IL1RAPL1: variants seen among roughly 807,000 people sequenced by gnomAD.
IL1RAPL1 encodes interleukin 1 receptor accessory protein like 1, also known as interleukin-1 receptor accessory protein-like 1.
IL1RAPL1 carries 3 observed loss-of-function variants against 48.4 expected under a neutral mutation model. The ratio of observed to expected loss-of-function variants is 0.06; its 90% CI spans 0.03 to 0.16. IL1RAPL1 has a LOEUF of 0.16. IL1RAPL1 is among the 10% of genes least tolerant of loss of function. The pLI is 1.00. For missense variants in IL1RAPL1, 349 were observed against 530.6 expected, an observed-to-expected ratio of 0.66 and a Z score of 3.36; for synonymous variants, 185 against 187.7, an observed-to-expected ratio of 0.99 and a Z score of 0.12.
At chrX:29,333,168 C>A (rs1448204381) in intron 3 of IL1RAPL1, among the ~76,000 whole-genome samples, 7 of 107,929 alleles carry the variant, frequency 6.5e-5, no homozygotes, top group Non-Finnish European at 1.4e-4. Context: ...GCTGGGCACA[C>A]CTCCCAGACG....
intron 2 of IL1RAPL1, among the ~76,000 whole-genome samples, chrX:28,961,005 G>A (rs1924757279): frequency 2.9e-5 from 1 of 34,548 alleles, no homozygotes; most frequent in South Asian, 3.8e-3. Context: ...GCGAGACTCC[G>A]TCTCAAAAAA....
chrX:28,596,990 T>C (rs1396561766), intron 1 of IL1RAPL1, among the ~76,000 whole-genome samples: 1 of 110,819 alleles, frequency 9.0e-6, no homozygotes, highest in African/African-American at 3.3e-5. Context: ...AGCCTTTGTA[T>C]TGGACTTTGA....
chrX:29,082,146 G>T (rs1927857462), intron 2 of IL1RAPL1, among the ~76,000 whole-genome samples: 1 of 111,800 alleles, frequency 8.9e-6, no homozygotes, highest in African/African-American at 3.2e-5. Context: ...CATGACCCTT[G>T]AAAAATAAAA....
In IL1RAPL1 at chrX:28,927,482, T is replaced by C. The variant is rs746897545; in HGVS notation, c.82+138057T>C. On this transcript the variant is annotated intron_variant, in intron 2 of 10. Transcript: ENST00000378993. ...TTGTTTTTCTACTCTCCTTGCTACA[T>C]GCAAACACACATCAAAATCTAGAAG... Among the ~76,000 whole-genome samples, 52 of 112,073 alleles carry C rather than the reference T, an allele frequency of 4.6e-4. No individual in the cohort carries two copies. In the South Asian group the frequency reaches 5.6e-3, roughly 12 times the overall value.
chrX:28,891,700 C>T (rs1298086428), intron 2 of IL1RAPL1, among the ~76,000 whole-genome samples: 1 of 111,821 alleles, frequency 8.9e-6, no homozygotes, highest in Admixed American at 9.5e-5. Context: ...AGGTTGTTTC[C>T]ACCTCTTGGT....
chrX:29,941,531 G>A (rs1933127220), intron 8 of IL1RAPL1, 120 bp from the exon 9 acceptor site: 14 of 711,450 alleles, frequency 2.0e-5, no homozygotes, highest in Non-Finnish European at 2.2e-6. Context: ...GAAAGGGGTT[G>A]TGTCAACCCG....
rs184405880 is a variant in IL1RAPL1 at position 28,602,440 on chromosome X, C to T, written c.-25+14393C>T. ...TTTACTCTGCCACACAATGCCACAT[C>T]CCTGACAGTAGGTAAGTTATGTTCT... On this transcript the variant is annotated intron_variant, in intron 1 of 10. Coordinates refer to ENST00000378993, the MANE Select transcript of IL1RAPL1 (RefSeq NM_014271.4). Among the ~76,000 whole-genome samples the T allele has an allele frequency of 1.6e-3, 178 of 112,107 alleles. 1 individual carries two copies. Among genetic ancestry groups the T allele is most frequent in the African/African-American group, 5.6e-3 (173 of 30,868 alleles).
At chrX:29,119,985 A>AG (rs1440088622) in intron 2 of IL1RAPL1, among the ~76,000 whole-genome samples, 1 of 111,388 alleles carries the variant, frequency 9.0e-6, no homozygotes. Context: ...AGTATTCTAC[A>AG]GGGGCATAGG....
chrX:29,110,595 G>C (rs1255007432), intron 2 of IL1RAPL1, among the ~76,000 whole-genome samples: 6 of 111,720 alleles, frequency 5.4e-5, no homozygotes, highest in Non-Finnish European at 1.1e-4. Flanking sequence ...AGTTGGCCTT[G>C]ATTTAATATT....
chrX:28,719,974 A>G (rs1935550292), intron 1 of IL1RAPL1, among the ~76,000 whole-genome samples: 1 of 110,689 alleles, frequency 9.0e-6, no homozygotes, highest in African/African-American at 3.3e-5. Flanking sequence ...GTTTTTTCCT[A>G]TTTAGTGACT....
intron 2 of IL1RAPL1, among the ~76,000 whole-genome samples, chrX:29,072,446 C>G (rs1239948450): frequency 9.0e-6 from 1 of 111,718 alleles, no homozygotes; most frequent in Non-Finnish European, 1.9e-5. Context: ...TTTATCTGCT[C>G]TAAACTCATC....
chrX:28,775,034 T>C (rs914469963), intron 1 of IL1RAPL1, among the ~76,000 whole-genome samples: 1 of 112,325 alleles, frequency 8.9e-6, no homozygotes, highest in Non-Finnish European at 1.9e-5. Flanking sequence ...TAAGATGATA[T>C]AAATTCTTGT....
chrX:28,932,339 T>G (rs1045577944), intron 2 of IL1RAPL1, among the ~76,000 whole-genome samples: 1 of 111,567 alleles, frequency 9.0e-6, no homozygotes, highest in African/African-American at 3.2e-5. Flanking sequence ...TTTTTCTCCT[T>G]TCAGTTGTAA....
chrX:28,686,986 T>C (rs1317681923), intron 1 of IL1RAPL1, among the ~76,000 whole-genome samples: 1 of 111,934 alleles, frequency 8.9e-6, no homozygotes, highest in African/African-American at 3.2e-5. Flanking sequence ...TTGGAATGGA[T>C]TTTTAGAGCT....
chrX:29,941,575 G>A, intron 8 of IL1RAPL1, 76 bp from the exon 9 acceptor site: 2 of 1,052,049 alleles, frequency 1.9e-6, no homozygotes, highest in Non-Finnish European at 2.7e-6. Flanking sequence ...AGGAAAATGT[G>A]AAATCAAACT....
intron 5 of IL1RAPL1, among the ~76,000 whole-genome samples, chrX:29,659,685 C>T (rs1226262033): frequency 3.6e-5 from 4 of 111,643 alleles, no homozygotes; most frequent in Non-Finnish European, 7.5e-5. Flanking sequence ...AGTGCAATGG[C>T]GCGATCTCAG....
At position 29,955,576 on chromosome X, in the gene IL1RAPL1, A is replaced by G; in HGVS notation, c.1847A>G (p.His616Arg). Reference sequence around the variant, plus strand: ...CGTTCTACCTTTCACAACACGTACCATTCACAAATGCGTCAGAAACACTAC... The same window carrying G: ...CGTTCTACCTTTCACAACACGTACCGTTCACAAATGCGTCAGAAACACTAC... ...DLRSTFHNTY[H>R]SQMRQKHYYR... is the part of the protein sequence containing the mutation. The change falls in exon 11 of 11, where the codon CAT (histidine) becomes CGT (arginine). Residue 616 changes from histidine (H) to arginine (R), a missense_variant. His to Arg is a conservative substitution (Grantham distance 29). Around this residue, in one of 3 missense-constraint regions of IL1RAPL1, gnomAD observed 65 missense variants for 79.6 expected, o/e 0.82. Coordinates refer to ENST00000378993, the MANE Select transcript of IL1RAPL1 (RefSeq NM_014271.4). 1.7e-6 allele frequency: 2 copies of G among 1,206,193 alleles called. No homozygotes were observed. The highest frequency in any genetic ancestry group is 2.2e-6 in the Non-Finnish European group (2 of 892,078).
At chrX:29,853,159 T>A (rs1601852435) in intron 6 of IL1RAPL1, among the ~76,000 whole-genome samples, 1 of 99,609 alleles carries the variant, frequency 1.0e-5, no homozygotes. Context: ...GGAGTACATG[T>A]AAAAACTGAT....
chrX:29,914,794 G>T (rs1488362750), intron 6 of IL1RAPL1, among the ~76,000 whole-genome samples: 1 of 112,437 alleles, frequency 8.9e-6, no homozygotes, highest in Non-Finnish European at 1.9e-5. Flanking sequence ...ACTTGCCGTA[G>T]AAATCTGCAA....
Sources: gnomAD v4.1 joint callset for allele counts (sites outside exome capture counted in the v4.1 genomes callset) on GRCh38, gnomAD v4.1.1 for gene constraint, gnomAD v4.1.1 regional missense constraint, MANE v1.5 for transcripts, NCBI Gene and HGNC (gene_info 2026-07-23, HGNC 2026-07-21) for gene names.